The following KIF1C variants were observed in gnomAD, a reference collection of about 807,000 sequenced individuals.
KIF1C encodes the protein kinesin family member 1C.
Under a neutral mutation model 126.5 loss-of-function variants are expected in KIF1C, and 61 were observed. That is an observed-to-expected ratio of 0.48 (90% CI 0.39 to 0.60). The LOEUF is 0.60. Ranked by LOEUF, KIF1C falls within the 20% of genes least tolerant of loss-of-function variation. The pLI is 0.00. For missense variants in KIF1C, 1,315 were observed against 1,489.2 expected (o/e 0.88, Z 1.93); for synonymous variants, 640 against 580.6 (o/e 1.10, Z -1.47).
intron 11 of KIF1C, 32 bp from the exon 12 acceptor site, chr17:5,004,535 A>G (rs1195914334): frequency 6.2e-7 from 1 of 1,607,952 alleles, no homozygotes; most frequent in South Asian, 1.1e-5. Context: ...CCCCTCCCTC[A>G]GCTGAAGCTT....
chr17:5,000,998 G>T (rs767148681), intron 4 of KIF1C, 150 bp downstream of exon 4: 81 of 943,678 alleles, frequency 8.6e-5, no homozygotes, highest in Non-Finnish European at 1.2e-4. Context: ...GGACCCTTAG[G>T]CTGTGATTGA....
At chr17:5,016,995 CA>C (rs1974984930) in intron 18 of KIF1C, among the ~76,000 whole-genome samples, 1 of 151,930 alleles carries the variant, frequency 6.6e-6, no homozygotes, top group South Asian at 2.1e-4. Flanking sequence ...TTCAAGTCCT[CA>C]GTGACAGCAA....
intron 13 of KIF1C, among the ~76,000 whole-genome samples, chr17:5,005,917 G>A (rs1049982780): frequency 7.9e-5 from 12 of 151,742 alleles, no homozygotes; most frequent in African/African-American, 2.9e-4. Context: ...AGTAGAGACG[G>A]GGGTTTTAGC....
chr17:5,024,134 A>G lies in KIF1C; in HGVS notation c.3295A>G (p.Ser1099Gly). The G allele has an allele frequency of 2.5e-6, 4 of 1,609,686 alleles. No homozygotes were observed. The highest frequency in any genetic ancestry group is 1.7e-6 in the Non-Finnish European group (2 of 1,178,006). Reference sequence around the variant, plus strand: ...GCGTTCTGCCCCTGACCTCAAGGAGAGTGGGGCAGCTGTGTGAGTCCCACA... The same window carrying G: ...GCGTTCTGCCCCTGACCTCAAGGAGGGTGGGGCAGCTGTGTGAGTCCCACA... Reference protein sequence around the residue: ...RQRSAPDLKESGAAV With the variant: ...RQRSAPDLKEGGAAV Residue 1099 changes from serine (S) to glycine (G), a missense_variant, in exon 23 of 23, where the codon AGT (serine) becomes GGT (glycine). This residue lies in a region of KIF1C where 441 missense variants were observed against 436.1 expected (regional missense o/e 1.01). Transcript: ENST00000320785.
rs1477659485 is a variant in KIF1C at position 4,998,018 on chromosome 17, C to T, written c.-287C>T. ...TGCTGCCGCCCCCGGGGCGCGAGTC[C>T]GCCGCCCGCCGCCCGGGCACCCGGC... On this transcript the variant is annotated 5_prime_UTR_variant, in exon 1 of 23. Coordinates refer to ENST00000320785, the MANE Select transcript of KIF1C (RefSeq NM_006612.6). 2.7e-5 allele frequency: 4 copies of T among 148,706 alleles called. No individual in the cohort carries two copies. The highest frequency in any genetic ancestry group is 4.5e-5 in the Non-Finnish European group (3 of 66,870). 9.2% of individuals were successfully genotyped at this position (148,706 alleles called of 1,614,324 possible). A position where few individuals can be genotyped will look rare whatever the true frequency, so the allele number is the denominator to read the frequency against.
intron 6 of KIF1C, 97 bp downstream of exon 6, chr17:5,002,221 G>C (rs1974612319): frequency 8.3e-7 from 1 of 1,209,830 alleles, no homozygotes; most frequent in African/African-American, 1.5e-5. Context: ...TGGCTCTGCT[G>C]GTTACTGACT....
rs1424096009 is a variant in KIF1C at position 5,024,221 on chromosome 17, C to T, written c.*70C>T. The T allele has an allele frequency of 1.0e-5, 12 of 1,162,760 alleles. No individual in the cohort carries two copies. The highest frequency in any genetic ancestry group is 1.4e-5 in the Non-Finnish European group (11 of 810,426). 72.0% of individuals were successfully genotyped at this position (1,162,760 alleles called of 1,614,324 possible). A position where few individuals can be genotyped will look rare whatever the true frequency, so the allele number is the denominator to read the frequency against. Reference sequence around the variant, plus strand: ...AGAAGGGAAGACGCCCGAGACGCTGCTTCCCCAGAAGTGCTGGGGCAGGGA... The same window carrying T: ...AGAAGGGAAGACGCCCGAGACGCTGTTTCCCCAGAAGTGCTGGGGCAGGGA... On this transcript the variant is annotated 3_prime_UTR_variant, in exon 23 of 23. Coordinates refer to ENST00000320785, the MANE Select transcript of KIF1C (RefSeq NM_006612.6).
chr17:5,017,103 G>A (rs2143367119), intron 18 of KIF1C, among the ~76,000 whole-genome samples: 1 of 152,086 alleles, frequency 6.6e-6, no homozygotes, highest in South Asian at 2.1e-4. Flanking sequence ...GCCATTTGCT[G>A]GGGGAGATAT....
At chr17:5,009,798 A>AG (rs1974820429) in intron 16 of KIF1C, among the ~76,000 whole-genome samples, 2 of 151,828 alleles carry the variant, frequency 1.3e-5, no homozygotes, top group Admixed American at 1.3e-4. Context: ...AAAAAAAAAA[A>AG]AAGAAAAAAT....
At position 4,999,973 on chromosome 17, in the gene KIF1C, A is replaced by C; in HGVS notation, c.-28+3A>C. 2 of 446,412 alleles carry C rather than the reference A, an allele frequency of 4.5e-6. No individual in the cohort carries two copies. The highest frequency in any genetic ancestry group is 3.7e-5 in the Admixed American group (1 of 27,034). 27.7% of individuals were successfully genotyped at this position (446,412 alleles called of 1,614,324 possible). ...CTGGTCTGGGGCCAGGACGCCAGGT[A>C]ACTGGGGGAGACCGCCCAGGTTCCT... On this transcript the variant is annotated splice_donor_region_variant and intron_variant, in intron 2 of 22. Coordinates refer to ENST00000320785, the MANE Select transcript of KIF1C (RefSeq NM_006612.6).
chr17:5,012,377 C>A lies in KIF1C; in HGVS notation c.1492-1276C>A, dbSNP rs758222419. On this transcript the variant is annotated intron_variant, in intron 16 of 22. Coordinates refer to ENST00000320785, the MANE Select transcript of KIF1C (RefSeq NM_006612.6). ...ATGATTTTGGCAGGTGGGGGCGGGG[C>A]GGGAGGCGGTCTGTTGTTGGGGACA... 3.4e-5 allele frequency among the ~76,000 whole-genome samples: 5 copies of A among 147,664 alleles called. No homozygotes were observed. The South Asian group carries it at 1.1e-3, about 32-fold the overall frequency.
At chr17:5,007,610 C>A in intron 16 of KIF1C, 68 bp downstream of exon 16, 1 of 1,348,984 alleles carries the variant, frequency 7.4e-7, no homozygotes, top group Non-Finnish European at 1.0e-6. Flanking sequence ...GCAGCAGGTG[C>A]AGGGTAGTGA....
At position 5,007,315 on chromosome 17, in the gene KIF1C, G is replaced by A. The variant is rs767647581; in HGVS notation, c.1388G>A (p.Arg463His). The A allele has an allele frequency of 8.7e-6, 14 of 1,613,416 alleles. No homozygotes were observed. The East Asian group carries it at 1.3e-4, about 15-fold the overall frequency. ...AACGAGACATGGGAGGAGAAGCTAC[G>A]CAAGACAGAAGCCCTGAGGATGGAG... Reference protein sequence around the residue: ...ELNETWEEKLRKTEALRMERE... With the variant: ...ELNETWEEKLHKTEALRMERE... The change falls in exon 15 of 23, where the codon CGC (arginine) becomes CAC (histidine). Residue 463 changes from arginine to histidine, a missense_variant. Arg to His is a conservative substitution (Grantham distance 29). Transcript: ENST00000320785.
Position 5,026,665 on chromosome 17 carries a change from G to C in KIF1C, c.*2514G>C, listed in dbSNP as rs1191403688. Reference sequence around the variant, plus strand: ...CTAGGGAGGTAGGAAGATCACCTGAGCCCATGGAGATTGAGGCTGTGGTGA... The same window carrying C: ...CTAGGGAGGTAGGAAGATCACCTGACCCCATGGAGATTGAGGCTGTGGTGA... On this transcript the variant is annotated 3_prime_UTR_variant, in exon 23 of 23. Coordinates refer to ENST00000320785, the MANE Select transcript of KIF1C (RefSeq NM_006612.6). 1 of 148,778 alleles carries C rather than the reference G, an allele frequency of 6.7e-6. No individual in the cohort carries two copies. Among genetic ancestry groups the C allele is most frequent in the Admixed American group, 7.1e-5 (1 of 14,004 alleles). The allele number at this position is 148,778 out of a possible 1,614,324, so 9.2% of individuals were successfully genotyped here. A position where few individuals can be genotyped will look rare whatever the true frequency, so the allele number is the denominator to read the frequency against.
chr17:5,020,425 C>A lies in KIF1C; in HGVS notation c.1751-67C>A. On this transcript the variant is annotated intron_variant, in intron 19 of 22. Coordinates refer to ENST00000320785, the MANE Select transcript of KIF1C (RefSeq NM_006612.6). This position sits in a 1 kb window ranked among gnomAD's most constrained non-coding sequence, Gnocchi z 5.8. ...AGCCCCTGTGCCAGATTCTCTATGCCTTGGGTGTAGGGATGGATTTGGTGC... is the reference window on the plus strand; with the variant it reads ...AGCCCCTGTGCCAGATTCTCTATGCATTGGGTGTAGGGATGGATTTGGTGC... 1 of 1,471,462 alleles carries A rather than the reference C, an allele frequency of 6.8e-7. No individual in the cohort carries two copies. The highest frequency in any genetic ancestry group is 2.0e-5 in the Admixed American group (1 of 49,436). The allele number at this position is 1,471,462 out of a possible 1,614,324, so 91.2% of individuals were successfully genotyped here.
At position 5,022,498 on chromosome 17, in the gene KIF1C, CTG is replaced by C; in HGVS notation, c.2419_2420del (p.Val807ArgfsTer15). 6.3e-7 allele frequency: 1 copy of C among 1,587,582 alleles called. No homozygotes were observed. Among genetic ancestry groups the C allele is most frequent in the Non-Finnish European group, 8.6e-7 (1 of 1,165,890 alleles). On this transcript the variant is annotated frameshift_variant, in exon 22 of 23. Transcript: ENST00000320785. LOFTEE classifies it high-confidence loss of function. The surrounding 1 kb of genome is among the most constrained non-coding windows in gnomAD (Gnocchi z 4.9). ...GCTGTGGCCCGGGATGTCTGGGACA[CTG>C]TAGGCGAGGAGGAAGGAGGTGGAGC...
rs201827392 is a variant in KIF1C at position 5,020,725 on chromosome 17, T to G, written c.1937+47T>G. 2 of 1,610,042 alleles carry G rather than the reference T, an allele frequency of 1.2e-6. No individual in the cohort carries two copies. Among genetic ancestry groups the G allele is most frequent in the Admixed American group, 3.4e-5 (2 of 59,384 alleles). On this transcript the variant is annotated intron_variant, in intron 20 of 22. Coordinates refer to ENST00000320785, the MANE Select transcript of KIF1C (RefSeq NM_006612.6). The surrounding 1 kb of genome is among the most constrained non-coding windows in gnomAD (Gnocchi z 5.8). ...GCCCCATGGCCGTCTAGGCCGTCCC[T>G]CCCGGGCCTCTGGGCCCGTGTCCTC...
rs74766284 is a variant in KIF1C at position 5,000,265 on chromosome 17, A to G, written c.19A>G (p.Lys7Glu). 7.0e-6 allele frequency: 11 copies of G among 1,578,094 alleles called. No homozygotes were observed. Among genetic ancestry groups the G allele is most frequent in the Non-Finnish European group, 9.5e-6 (11 of 1,163,238 alleles). MAGASV[K>E]VAVRVRPFNA... ...TGGAGCTATGGCTGGTGCCTCGGTG[A>G]AAGTGGCAGTGAGGGTTCGGCCCTT... Residue 7 changes from lysine (K) to glutamate (E), a missense_variant, in exon 3 of 23, where the codon AAA becomes GAA. By Grantham distance (56) the Lys-to-Glu change is moderately conservative. Transcript: ENST00000320785.
At position 5,004,961 on chromosome 17, in the gene KIF1C, C is replaced by T. The variant is rs753131759; in HGVS notation, c.1126C>T (p.Leu376=). The change falls in exon 13 of 23, where the codon CTG becomes TTG. Residue 376 remains leucine, a synonymous_variant. Transcript: ENST00000320785. Reference sequence around the variant, plus strand: ...GGAGGAAGTAGCCCGGCTGCGGGAACTGCTGATGGCTCAGGGACTGTCAGC... The same window carrying T: ...GGAGGAAGTAGCCCGGCTGCGGGAATTGCTGATGGCTCAGGGACTGTCAGC... ...LQEEVARLRE[L]LMAQGLSASA... is the part of the protein sequence containing the mutation. The T allele has an allele frequency of 3.7e-6, 6 of 1,614,246 alleles. No individual in the cohort carries two copies. The South Asian group carries it at 6.6e-5, about 18-fold the overall frequency.
Sources: gnomAD v4.1 joint callset for allele counts (sites outside exome capture counted in the v4.1 genomes callset) on GRCh38, gnomAD v4.1.1 for gene constraint, gnomAD v4.1.1 regional missense constraint, Gnocchi (gnomAD v3.1) non-coding constraint, MANE v1.5 for transcripts, NCBI Gene and HGNC (gene_info 2026-07-23, HGNC 2026-07-21) for gene names.